Variants in BNC2 observed in about 807,000 individuals in gnomAD.
BNC2 encodes the protein zinc finger protein basonuclin-2.
A neutral mutation model predicts 76.3 loss-of-function variants in BNC2; 20 were observed. The observed-to-expected ratio is 0.26, with a 90% confidence interval of 0.18 to 0.38. The LOEUF (loss-of-function observed/expected upper bound fraction) is 0.38, where lower values mean the gene tolerates loss of function less well. Among genes scored for constraint, BNC2 ranks in the 10% least tolerant of loss-of-function variants. The pLI is 1.00. For missense variants in BNC2, 1,382 were observed against 1,399.8 expected (o/e 0.99, Z 0.20); for synonymous variants, 582 against 514.8 (o/e 1.13, Z -1.77).
At chr9:16,520,726 T>C (rs1361333704) in intron 5 of BNC2, among the ~76,000 whole-genome samples, 1 of 152,236 alleles carries the variant, frequency 6.6e-6, no homozygotes, top group Non-Finnish European at 1.5e-5. Flanking sequence ...AAGGAGTAAC[T>C]GTACTTTGTG....
intron 3 of BNC2, among the ~76,000 whole-genome samples, chr9:16,712,530 G>A (rs1359601402): frequency 6.6e-6 from 1 of 152,110 alleles, no homozygotes; most frequent in African/African-American, 2.4e-5. Context: ...CAAACTTGTT[G>A]GAACATGATT....
At chr9:16,746,281 T>C (rs1261883293) in intron 1 of BNC2, among the ~76,000 whole-genome samples, 5 of 152,302 alleles carry the variant, frequency 3.3e-5, no homozygotes, top group Non-Finnish European at 2.9e-5. Context: ...TGACTTCATA[T>C]TGGCCATGTT....
chr9:16,535,496 G>C (rs1818102937), intron 5 of BNC2, among the ~76,000 whole-genome samples: 1 of 151,988 alleles, frequency 6.6e-6, no homozygotes, highest in Non-Finnish European at 1.5e-5. Context: ...CCCTCATCTA[G>C]TGCATCTAGT....
chr9:16,787,789 G>A (rs1267638777), intron 1 of BNC2, among the ~76,000 whole-genome samples: 1 of 152,088 alleles, frequency 6.6e-6, no homozygotes, highest in Non-Finnish European at 1.5e-5. Context: ...TGCTTCAGGT[G>A]ATCCTCCTGG....
At position 16,808,634 on chromosome 9, in the gene BNC2, G is replaced by A. The variant is rs962918055; in HGVS notation, c.3+62012C>T. Among the ~76,000 whole-genome samples, 4 of 151,606 alleles carry A rather than the reference G, an allele frequency of 2.6e-5. 1 individual carries two copies. Among genetic ancestry groups the A allele is most frequent in the South Asian group, 4.2e-4 (2 of 4,798 alleles). On this transcript the variant is annotated intron_variant, in intron 1 of 6. Coordinates refer to ENST00000380672, the MANE Select transcript of BNC2 (RefSeq NM_017637.6). ...CTCCTGAGTAACTGGGACTACAGGC[G>A]TATGTGACCACAACTGACCAATGTT... is the stretch of plus-strand genomic sequence containing the variant.
intron 3 of BNC2, among the ~76,000 whole-genome samples, chr9:16,685,053 A>T (rs1822934898): frequency 1.3e-5 from 2 of 152,198 alleles, no homozygotes; most frequent in Admixed American, 6.5e-5. Flanking sequence ...CCGGGAGACC[A>T]TATTGTAGGA....
intron 1 of BNC2, among the ~76,000 whole-genome samples, chr9:16,790,836 T>TA (rs35455302): frequency 1.3e-5 from 2 of 150,590 alleles, no homozygotes; most frequent in African/African-American, 2.5e-5. Flanking sequence ...TTTTTTTTTT[T>TA]AAGAATGCTG....
intron 3 of BNC2, among the ~76,000 whole-genome samples, chr9:16,591,310 C>G (rs1337393): frequency 6.6e-6 from 1 of 152,116 alleles, no homozygotes; most frequent in Non-Finnish European, 1.5e-5. Flanking sequence ...TCATCTATGA[C>G]GAATGTAAAA....
chr9:16,669,396 A>G (rs17740450), intron 3 of BNC2, among the ~76,000 whole-genome samples: 1 of 152,064 alleles, frequency 6.6e-6, no homozygotes, highest in Non-Finnish European at 1.5e-5. Flanking sequence ...CAACTATCCA[A>G]CTCCCTCAGA....
chr9:16,711,662 G>A (rs1440054637), intron 3 of BNC2, among the ~76,000 whole-genome samples: 3 of 152,036 alleles, frequency 2.0e-5, no homozygotes, highest in Non-Finnish European at 4.4e-5. Context: ...TCCATTGATT[G>A]TTGAATTACT....
At chr9:16,625,592 T>TA (rs1820971645) in intron 3 of BNC2, 1 of 152,164 alleles carries the variant, frequency 6.6e-6, no homozygotes, top group African/African-American at 2.4e-5. Context: ...ACTGGCGTTT[T>TA]AAAAACTGCA....
chr9:16,842,533 C>T (rs929029180), intron 1 of BNC2, among the ~76,000 whole-genome samples: 19 of 151,968 alleles, frequency 1.3e-4, no homozygotes, highest in African/African-American at 1.5e-4. Context: ...TGTGGAGTGA[C>T]GAAAGCGTTC....
chr9:16,625,613 ATTAAAC>A (rs1236033206), intron 3 of BNC2: 1 of 152,226 alleles, frequency 6.6e-6, no homozygotes, highest in African/African-American at 2.4e-5. Flanking sequence ...CAGCCGGCTT[ATTAAAC>A]TTCATACAGA....
intron 3 of BNC2, among the ~76,000 whole-genome samples, chr9:16,702,051 AC>A (rs1823531629): frequency 1.3e-5 from 2 of 152,250 alleles, no homozygotes; most frequent in East Asian, 3.9e-4. Flanking sequence ...AAAAAGAAGC[AC>A]ATTATTTTGC....
At chr9:16,848,623 A>G (rs2136141722) in intron 1 of BNC2, among the ~76,000 whole-genome samples, 1 of 152,272 alleles carries the variant, frequency 6.6e-6, no homozygotes, top group South Asian at 2.1e-4. Flanking sequence ...GACCCTCTCT[A>G]CCTTCATAAA....
At chr9:16,424,857 C>A (rs1820774727) in intron 6 of BNC2, among the ~76,000 whole-genome samples, 1 of 152,210 alleles carries the variant, frequency 6.6e-6, no homozygotes, top group Non-Finnish European at 1.5e-5. Flanking sequence ...ATCTATTACA[C>A]TTACCTCAAC....
chr9:16,631,214 G>A (rs1821151501), intron 3 of BNC2, among the ~76,000 whole-genome samples: 2 of 152,086 alleles, frequency 1.3e-5, no homozygotes, highest in Non-Finnish European at 2.9e-5. Context: ...CCAAAAACTA[G>A]CCTTTGCTAA....
At chr9:16,505,044 G>C (rs1214299844) in intron 5 of BNC2, among the ~76,000 whole-genome samples, 1 of 152,240 alleles carries the variant, frequency 6.6e-6, no homozygotes, top group African/African-American at 2.4e-5. Flanking sequence ...CACAACGTAA[G>C]TTGAGGCAAT....
intron 3 of BNC2, among the ~76,000 whole-genome samples, chr9:16,657,168 T>C (rs1390129409): frequency 6.6e-6 from 1 of 151,942 alleles, no homozygotes; most frequent in Non-Finnish European, 1.5e-5. Flanking sequence ...TCTGCAGAAA[T>C]TTAAAATAAT....
Sources: gnomAD v4.1 joint callset for allele counts (sites outside exome capture counted in the v4.1 genomes callset) on GRCh38, gnomAD v4.1.1 for gene constraint, MANE v1.5 for transcripts, NCBI Gene and HGNC (gene_info 2026-07-23, HGNC 2026-07-21) for gene names.